The following TENM3 variants were observed in gnomAD, a reference collection of about 807,000 sequenced individuals.
TENM3 encodes teneurin transmembrane protein 3, also known as teneurin-3.
A neutral mutation model predicts 255.1 loss-of-function variants in TENM3; 63 were observed. That is an observed-to-expected ratio of 0.25 (90% CI 0.20 to 0.30). The LOEUF (loss-of-function observed/expected upper bound fraction) is 0.30. TENM3 is among the 10% of genes least tolerant of loss of function. The pLI is 1.00. For synonymous variants in TENM3, 1,306 were observed against 1,322.3 expected, an observed-to-expected ratio of 0.99 and a Z score of 0.27; for missense variants, 2,929 against 3,461.1, an observed-to-expected ratio of 0.85 and a Z score of 3.86.
At chr4:181,742,285 G>GA in the TENM3 span, among the ~76,000 whole-genome samples, 1,823 of 151,868 alleles carry the variant, frequency 0.012, 38 homozygotes, top group African/African-American at 0.042. Flanking sequence ...TACATGGTTA[G>GA]AAAAAAAATA....
At chr4:182,333,138 G>C (rs1383043227) in intron 2 of TENM3, among the ~76,000 whole-genome samples, 1 of 152,152 alleles carries the variant, frequency 6.6e-6, no homozygotes, top group Non-Finnish European at 1.5e-5. Context: ...GTACAACTAA[G>C]TTTAATGTTT....
intron 10 of TENM3, 99 bp downstream of exon 10, chr4:182,680,836 CTTTTGAAAGCAA>C: frequency 1.1e-6 from 1 of 884,294 alleles, no homozygotes; most frequent in Non-Finnish European, 1.6e-6. Context: ...TATACGCTTC[CTTTTGAAAGCAA>C]TTTTGAAAAA....
chr4:181,813,702 G>A, the TENM3 span, among the ~76,000 whole-genome samples: 1 of 152,170 alleles, frequency 6.6e-6, no homozygotes. Context: ...TGAGAATGGG[G>A]ACAATGAGTT....
At chr4:182,098,663 G>C in the TENM3 span, among the ~76,000 whole-genome samples, 1 of 152,182 alleles carries the variant, frequency 6.6e-6, no homozygotes, top group Admixed American at 6.5e-5. Context: ...GGTAGCCAGA[G>C]GCTGAGAAGG....
At chr4:181,547,508 T>C in the TENM3 span, among the ~76,000 whole-genome samples, 1 of 152,220 alleles carries the variant, frequency 6.6e-6, no homozygotes, top group East Asian at 1.9e-4. Context: ...CAAAAATTAT[T>C]TTAAACATGT....
intron 3 of TENM3, among the ~76,000 whole-genome samples, chr4:182,531,618 GTC>G (rs900781196): frequency 2.0e-5 from 3 of 152,166 alleles, no homozygotes; most frequent in Non-Finnish European, 2.9e-5. Context: ...GTGGGGTGAA[GTC>G]TGCAGGAAAC....
At chr4:182,760,370 G>T (rs1452167539) in intron 22 of TENM3, among the ~76,000 whole-genome samples, 2 of 152,152 alleles carry the variant, frequency 1.3e-5, no homozygotes, top group African/African-American at 4.8e-5. Flanking sequence ...TATTGAATTG[G>T]GGAACAGAAT....
intron 24 of TENM3, among the ~76,000 whole-genome samples, chr4:182,786,628 A>G (rs12500335): frequency 0.1 from 15,553 of 151,692 alleles, 1,079 homozygotes; most frequent in Admixed American, 0.16. Flanking sequence ...CTACAGCAGC[A>G]CGTCATATCC....
At chr4:181,457,101 G>T in the TENM3 span, among the ~76,000 whole-genome samples, 9 of 151,856 alleles carry the variant, frequency 5.9e-5, no homozygotes, top group East Asian at 3.9e-4. Flanking sequence ...CACTGCAAGA[G>T]AAAGTAAATC....
At chr4:181,796,643 G>A in the TENM3 span, among the ~76,000 whole-genome samples, 1 of 152,150 alleles carries the variant, frequency 6.6e-6, no homozygotes, top group Non-Finnish European at 1.5e-5. Context: ...TTAATCAGCA[G>A]GATGACATCA....
chr4:181,891,966 G>A, the TENM3 span, among the ~76,000 whole-genome samples: 1 of 152,080 alleles, frequency 6.6e-6, no homozygotes, highest in African/African-American at 2.4e-5. Context: ...TTGACAGAGG[G>A]AATTCAACCT....
intron 26 of TENM3, among the ~76,000 whole-genome samples, chr4:182,794,093 C>T (rs1766312923): frequency 6.6e-6 from 1 of 152,132 alleles, no homozygotes; most frequent in South Asian, 2.1e-4. Flanking sequence ...TTCTGCCTGC[C>T]ATTGCCCAAG....
intron 1 of TENM3, among the ~76,000 whole-genome samples, chr4:182,271,965 G>A (rs768482332): frequency 3.3e-5 from 5 of 152,156 alleles, no homozygotes; most frequent in African/African-American, 9.7e-5. Context: ...CTGCCCTTGC[G>A]CAGTCCTCGT....
the TENM3 span, among the ~76,000 whole-genome samples, chr4:181,722,359 A>G: frequency 6.6e-6 from 1 of 152,352 alleles, no homozygotes; most frequent in East Asian, 1.9e-4. Flanking sequence ...ATATCCTCCA[A>G]TGATGACAAT....
intron 3 of TENM3, among the ~76,000 whole-genome samples, chr4:182,444,317 C>CA (rs1371333141): frequency 1.1e-4 from 16 of 152,086 alleles, no homozygotes; most frequent in African/African-American, 3.4e-4. Context: ...AAACATAAGA[C>CA]AAAATCTACA....
chr4:181,804,386 C>G, the TENM3 span, among the ~76,000 whole-genome samples: 10 of 152,250 alleles, frequency 6.6e-5, no homozygotes, highest in Middle Eastern at 3.4e-3. Context: ...AATATAAAAT[C>G]TGCTCTATCC....
chr4:182,187,551 G>A (rs1753245299), intron 1 of TENM3, among the ~76,000 whole-genome samples: 3 of 151,898 alleles, frequency 2.0e-5, no homozygotes, highest in Admixed American at 1.3e-4. Flanking sequence ...CCTCCCACCC[G>A]CTTTTTTTAA....
the TENM3 span, among the ~76,000 whole-genome samples, chr4:181,667,752 G>A: frequency 8.5e-5 from 13 of 152,114 alleles, no homozygotes; most frequent in Non-Finnish European, 7.3e-5. Context: ...CCCAGTCTTA[G>A]GTACTTTGTT....
chr4:181,471,691 A>G, the TENM3 span, among the ~76,000 whole-genome samples: 1 of 152,234 alleles, frequency 6.6e-6, no homozygotes, highest in Non-Finnish European at 1.5e-5. Flanking sequence ...TTCGCTATAT[A>G]AGGTTATAGG....
Sources: gnomAD v4.1 joint callset for allele counts (sites outside exome capture counted in the v4.1 genomes callset) on GRCh38, gnomAD v4.1.1 for gene constraint, MANE v1.5 for transcripts, NCBI Gene and HGNC (gene_info 2026-07-23, HGNC 2026-07-21) for gene names.